The following C4orf54 variants were observed in gnomAD, a reference collection of about 807,000 sequenced individuals.
C4orf54 encodes chromosome 4 open reading frame 54, also known as uncharacterized protein C4orf54.
A neutral mutation model predicts 80.1 loss-of-function variants in C4orf54; 67 were observed. The observed-to-expected ratio is 0.84, with a 90% CI of 0.69 to 1.03. The LOEUF (loss-of-function observed/expected upper bound fraction) is 1.03, where lower values mean the gene tolerates loss of function less well. Among genes scored for constraint, C4orf54 ranks in the 50% least tolerant of loss-of-function variants. The pLI is 0.00. For synonymous variants in C4orf54, 1,000 were observed against 917.0 expected, an observed-to-expected ratio of 1.09 and a Z score of -1.64; for missense variants, 2,434 against 2,253.5, an observed-to-expected ratio of 1.08 and a Z score of -1.62.
At chr4:99,647,685 CTT>C (rs1726723674) in intron 2 of C4orf54, among the ~76,000 whole-genome samples, 1 of 152,170 alleles carries the variant, frequency 6.6e-6, no homozygotes. Flanking sequence ...CTAATATTGT[CTT>C]ACAGTCCAAT....
Position 99,651,841 on chromosome 4 carries a change from GA to G in C4orf54, c.2807del (p.Phe936SerfsTer26). The G allele has an allele frequency of 6.5e-7, 1 of 1,536,112 alleles. No individual in the cohort carries two copies. Among genetic ancestry groups the G allele is most frequent in the South Asian group, 1.2e-5 (1 of 84,060 alleles). The stretch of plus-strand genomic sequence containing the variant: ...GGAACGCACTGTTCTGACTACGGAG[GA>G]AGATGCCCTTGACGGTCTCTGAGGC... ...KSASETVKGI[F>X]LRSQNSAFRS... On this transcript the variant is annotated frameshift_variant, in exon 2 of 3. Transcript: ENST00000511828. LOFTEE classifies it high-confidence loss of function.
rs1578272943 is a variant in C4orf54 at position 99,650,476 on chromosome 4, G to A, written c.4173C>T (p.Leu1391=). The change falls in exon 2 of 3, where the codon CTC becomes CTT. Residue 1391 remains leucine (L), a synonymous_variant. Coordinates refer to ENST00000511828, the MANE Select transcript of C4orf54 (RefSeq NM_001354435.2). The part of the protein sequence containing the change: ...RTQPLQPLPP[L]PSNRNVFTVS... Reference sequence around the variant, plus strand: ...CTGTGAACACGTTCCGGTTGCTGGGGAGTGGTGGGAGGGGCTGCAGGGGTT... The same window carrying A: ...CTGTGAACACGTTCCGGTTGCTGGGAAGTGGTGGGAGGGGCTGCAGGGGTT... The A allele has an allele frequency of 6.5e-7, 1 of 1,535,936 alleles. No individual in the cohort carries two copies. The highest frequency in any genetic ancestry group is 2.4e-5 in the East Asian group (1 of 40,896).
Position 99,653,134 on chromosome 4 carries a change from T to G in C4orf54, c.1515A>C (p.Ala505=). The G allele has an allele frequency of 1.3e-6, 2 of 1,536,178 alleles. No homozygotes were observed. The highest frequency in any genetic ancestry group is 1.7e-6 in the Non-Finnish European group (2 of 1,146,912). Residue 505 remains alanine (A), a synonymous_variant, in exon 2 of 3, where the codon GCA becomes GCC. Transcript: ENST00000511828. ...TCCCACAGCTGCTTGCGGCGGCGGC[T>G]GCTGCCCCTGAAGCTGCCTCCGGGG... The part of the protein sequence containing the change: ...PETPEAASGA[A]AAAASSCGSA...
rs1282073347 is a variant in C4orf54 at position 99,650,023 on chromosome 4, T to C, written c.4626A>G (p.Thr1542=). ...TCTGTGGCCCTGGGGGGGCAGCTAC[T>C]GTCTCCCGGGGGTTGTCAGGTTTGG... The part of the protein sequence containing the change: ...WRTKPDNPRE[T]VAAPPGPQSP... Residue 1542 remains threonine, a synonymous_variant, in exon 2 of 3, where the codon ACA becomes ACG. Transcript: ENST00000511828. 3.9e-6 allele frequency: 6 copies of C among 1,534,968 alleles called. No homozygotes were observed. The highest frequency in any genetic ancestry group is 2.4e-5 in the East Asian group (1 of 40,886).
At chr4:99,648,406 G>C (rs1335550382) in intron 2 of C4orf54, among the ~76,000 whole-genome samples, 3 of 152,174 alleles carry the variant, frequency 2.0e-5, no homozygotes, top group African/African-American at 7.2e-5. Flanking sequence ...TCTGAAGAAA[G>C]AATGCAGACA....
At position 99,636,813 on chromosome 4, in the gene C4orf54, C is replaced by A. The variant is rs1726511179; in HGVS notation, c.*4420G>T. The A allele has an allele frequency of 6.6e-6, 1 of 152,186 alleles. No individual in the cohort carries two copies. Among genetic ancestry groups the A allele is most frequent in the Non-Finnish European group, 1.5e-5 (1 of 68,026 alleles). 9.4% of individuals were successfully genotyped at this position (152,186 alleles called of 1,614,324 possible). A position where few individuals can be genotyped will look rare whatever the true frequency, so the allele number is the denominator to read the frequency against. ...CATTCTATAATTGAATCATATCAGA[C>A]CTCAGGTAGGAACTTTTCCACCAAG... On this transcript the variant is annotated 3_prime_UTR_variant, in exon 3 of 3. Coordinates refer to ENST00000511828, the MANE Select transcript of C4orf54 (RefSeq NM_001354435.2).
Position 99,652,485 on chromosome 4 carries a change from T to G in C4orf54, c.2164A>C (p.Ser722Arg). ...TGTTTGATTTCCCCCTCGACTTTGCTGACCACGAACTCCAAGGCCTTGGTC... is the reference window on the plus strand; with the variant it reads ...TGTTTGATTTCCCCCTCGACTTTGCGGACCACGAACTCCAAGGCCTTGGTC... ...SQTKALEFVV[S>R]KVEGEIKHVE... Residue 722 changes from serine to arginine, a missense_variant, in exon 2 of 3, where the codon AGC becomes CGC. Physicochemically the swap from Ser to Arg is moderately radical, Grantham distance 110. Coordinates refer to ENST00000511828, the MANE Select transcript of C4orf54 (RefSeq NM_001354435.2). 2 of 1,535,822 alleles carry G rather than the reference T, an allele frequency of 1.3e-6. No homozygotes were observed. The highest frequency in any genetic ancestry group is 1.7e-6 in the Non-Finnish European group (2 of 1,146,708).
In C4orf54 at chr4:99,637,502, A is replaced by G. The variant is rs1726527605; in HGVS notation, c.*3731T>C. On this transcript the variant is annotated 3_prime_UTR_variant, in exon 3 of 3. Transcript: ENST00000511828. ...ATTAGCAAGTGCTACATGCTTTATTAATGATTTTATGCACCTGTGAGGTCT... is the reference window on the plus strand; with the variant it reads ...ATTAGCAAGTGCTACATGCTTTATTGATGATTTTATGCACCTGTGAGGTCT... The G allele has an allele frequency of 6.6e-6, 1 of 152,212 alleles. No homozygotes were observed. Among genetic ancestry groups the G allele is most frequent in the African/African-American group, 2.4e-5 (1 of 41,458 alleles). 9.4% of individuals were successfully genotyped at this position (152,212 alleles called of 1,614,324 possible). A position where few individuals can be genotyped will look rare whatever the true frequency, so the allele number is the denominator to read the frequency against.
rs750267457 is a variant in C4orf54, at chr4:99,649,812, G to A, written c.4837C>T (p.Leu1613Phe). ...AQPQQTQRKM[L>F]LDVTTGQYYL... Reference sequence around the variant, plus strand: ...TACTGGCCTGTTGTCACATCCAGGAGCATCTTACGCTGGGTCTGTTGAGGC... The same window carrying A: ...TACTGGCCTGTTGTCACATCCAGGAACATCTTACGCTGGGTCTGTTGAGGC... Residue 1613 changes from leucine to phenylalanine, a missense_variant, in exon 2 of 3, where the codon CTC becomes TTC. Physicochemically the swap from Leu to Phe is conservative, Grantham distance 22. Coordinates refer to ENST00000511828, the MANE Select transcript of C4orf54 (RefSeq NM_001354435.2). 9.1e-6 allele frequency: 14 copies of A among 1,536,066 alleles called. No individual in the cohort carries two copies. The highest frequency in any genetic ancestry group is 1.2e-5 in the Non-Finnish European group (14 of 1,146,844).
Position 99,651,460 on chromosome 4 carries a change from C to G in C4orf54, c.3189G>C (p.Lys1063Asn). ...LAGGSASNLF[K>N]TIEDNSRAQQ... ...GTGCCCTGCTGTTGTCCTCGATGGT[C>G]TTGAACAGGTTAGAGGCGCTGCCAC... Residue 1063 changes from lysine (K) to asparagine (N), a missense_variant, in exon 2 of 3, where the codon AAG (lysine) becomes AAC (asparagine). Lys to Asn is a moderately conservative substitution (Grantham distance 94, BLOSUM62 0). Coordinates refer to ENST00000511828, the MANE Select transcript of C4orf54 (RefSeq NM_001354435.2). The G allele has an allele frequency of 6.5e-7, 1 of 1,536,262 alleles. No homozygotes were observed. Among genetic ancestry groups the G allele is most frequent in the Non-Finnish European group, 8.7e-7 (1 of 1,146,918 alleles).
In C4orf54 at chr4:99,653,206, TG is replaced by T; in HGVS notation, c.1442del (p.Pro481HisfsTer10). The T allele has an allele frequency of 7.8e-6, 12 of 1,534,734 alleles. No individual in the cohort carries two copies. Among genetic ancestry groups the T allele is most frequent in the Non-Finnish European group, 1.0e-5 (12 of 1,146,188 alleles). On this transcript the variant is annotated frameshift_variant, in exon 2 of 3. Transcript: ENST00000511828. LOFTEE classifies it high-confidence loss of function. ...GGGGGGCAGTGCCAGGCCCAGTGGG[TG>T]GGGGAGTGGGGCCACTGTCAGAGGG... is the stretch of plus-strand genomic sequence containing the variant. The part of the protein sequence containing the change: ...SGPSDSGPTP[P>X]PTGPGTAPLT...
At position 99,653,928 on chromosome 4, in the gene C4orf54, G is replaced by C; in HGVS notation, c.721C>G (p.Pro241Ala). The change falls in exon 2 of 3, where the codon CCA becomes GCA. Residue 241 changes from proline (P) to alanine (A), a missense_variant. Pro to Ala is a conservative substitution (Grantham distance 27). Coordinates refer to ENST00000511828, the MANE Select transcript of C4orf54 (RefSeq NM_001354435.2). ...GAGGCAGGATTGTTCTGGGGGCTTGGAGTCTTGCTGCTGGGTTCATCTTGG... is the reference window on the plus strand; with the variant it reads ...GAGGCAGGATTGTTCTGGGGGCTTGCAGTCTTGCTGCTGGGTTCATCTTGG... ...KAQDEPSSKT[P>A]SPQNNPASSQ... The C allele has an allele frequency of 6.5e-7, 1 of 1,536,276 alleles. No homozygotes were observed. Among genetic ancestry groups the C allele is most frequent in the Non-Finnish European group, 8.7e-7 (1 of 1,146,898 alleles).
chr4:99,651,720 C>T lies in C4orf54; in HGVS notation c.2929G>A (p.Gly977Arg), dbSNP rs1726832442. 6.5e-7 allele frequency: 1 copy of T among 1,535,924 alleles called. No homozygotes were observed. Among genetic ancestry groups the T allele is most frequent in the African/African-American group, 1.4e-5 (1 of 73,020 alleles). Residue 977 changes from glycine to arginine, a missense_variant, in exon 2 of 3, where the codon GGG (glycine) becomes AGG (arginine). Coordinates refer to ENST00000511828, the MANE Select transcript of C4orf54 (RefSeq NM_001354435.2). Reference protein sequence around the residue: ...PKGGDWRADLGEISASKNTIM... With the variant: ...PKGGDWRADLREISASKNTIM... ...GTGTTCTTGCTGGCAGAAATCTCCC[C>T]GAGATCAGCCCGCCAGTCGCCTCCT...
In C4orf54 at chr4:99,643,782, ACACACACACAC is replaced by A. The variant is rs1383683562; in HGVS notation, c.*37-2597_*37-2587del. On this transcript the variant is annotated intron_variant, in intron 2 of 2. Coordinates refer to ENST00000511828, the MANE Select transcript of C4orf54 (RefSeq NM_001354435.2). The stretch of plus-strand genomic sequence containing the variant: ...CACACACACACACACACACACACAC[ACACACACACAC>A]CCCCTCCGCGGCAGTAAAACGGCCA... Among the ~76,000 whole-genome samples, 143 of 137,026 alleles carry A rather than the reference ACACACACACAC, an allele frequency of 1.0e-3. 1 individual carries two copies. Among genetic ancestry groups the A allele is most frequent in the African/African-American group, 1.8e-3 (65 of 35,928 alleles). 89.9% of individuals were successfully genotyped at this position (137,026 alleles called of 152,430 possible). A position where few individuals can be genotyped will look rare whatever the true frequency, so the allele number is the denominator to read the frequency against.
rs1259737730 is a variant in C4orf54, at chr4:99,654,494, G to C, written c.155C>G (p.Ala52Gly). The C allele has an allele frequency of 4.3e-6, 3 of 704,198 alleles. No individual in the cohort carries two copies. The highest frequency in any genetic ancestry group is 7.8e-6 in the Non-Finnish European group (3 of 386,158). 43.6% of individuals were successfully genotyped at this position (704,198 alleles called of 1,614,324 possible). A position where few individuals can be genotyped will look rare whatever the true frequency, so the allele number is the denominator to read the frequency against. The change falls in exon 2 of 3, where the codon GCC becomes GGC. Residue 52 changes from alanine (A) to glycine (G), a missense_variant. By Grantham distance (60) the Ala-to-Gly change is moderately conservative. Coordinates refer to ENST00000511828, the MANE Select transcript of C4orf54 (RefSeq NM_001354435.2). ...CTGTGGCTGGGGGGCTGCTGCTCCG[G>C]CCGAGACTGTGGCCAGTGTTCTGTA... Reference protein sequence around the residue: ...LSYRTLATVSAGAAAPQPQTT... With the variant: ...LSYRTLATVSGGAAAPQPQTT...
rs1727002969 is a variant in C4orf54, at chr4:99,657,742, C to T, written c.-279G>A. Among the ~76,000 whole-genome samples the T allele has an allele frequency of 6.6e-6, 1 of 152,198 alleles. No homozygotes were observed. Among genetic ancestry groups the T allele is most frequent in the South Asian group, 2.1e-4 (1 of 4,830 alleles). Reference sequence around the variant, plus strand: ...AAGTAAAACAATTAAGAACCCCAAACTGCTTTCCCTCTGGCATTTTCAGAG... The same window carrying T: ...AAGTAAAACAATTAAGAACCCCAAATTGCTTTCCCTCTGGCATTTTCAGAG... On this transcript the variant is annotated 5_prime_UTR_variant, in exon 1 of 3. Transcript: ENST00000511828.
rs1336086762 is a variant in C4orf54, at chr4:99,652,996, G to T, written c.1653C>A (p.Asp551Glu). 6.5e-7 allele frequency: 1 copy of T among 1,536,210 alleles called. No individual in the cohort carries two copies. The highest frequency in any genetic ancestry group is 8.7e-7 in the Non-Finnish European group (1 of 1,146,930). ...NIIYAAKHEG[D>E]MSLRVSTAAE... The stretch of plus-strand genomic sequence containing the variant: ...CAGCTGTAGAGACGCGGAGGCTCAT[G>T]TCGCCTTCATGCTTGGCAGCATAAA... Residue 551 changes from aspartate (D) to glutamate (E), a missense_variant, in exon 2 of 3, where the codon GAC (aspartate) becomes GAA (glutamate). Coordinates refer to ENST00000511828, the MANE Select transcript of C4orf54 (RefSeq NM_001354435.2).
At position 99,652,781 on chromosome 4, in the gene C4orf54, A is replaced by G. The variant is rs1282325187; in HGVS notation, c.1868T>C (p.Val623Ala). The change falls in exon 2 of 3, where the codon GTG (valine) becomes GCG (alanine). Residue 623 changes from valine to alanine, a missense_variant. Coordinates refer to ENST00000511828, the MANE Select transcript of C4orf54 (RefSeq NM_001354435.2). Reference sequence around the variant, plus strand: ...GAAGGCCCGGGAGGTCAGGTTACGCACCTCTTTGTCCGCATCGTCCAGTTC... The same window carrying G: ...GAAGGCCCGGGAGGTCAGGTTACGCGCCTCTTTGTCCGCATCGTCCAGTTC... ...VSELDDADKEVRNLTSRAFRS... is the reference protein window; with the variant it reads ...VSELDDADKEARNLTSRAFRS... 5 of 1,535,862 alleles carry G rather than the reference A, an allele frequency of 3.3e-6. No individual in the cohort carries two copies. Among genetic ancestry groups the G allele is most frequent in the Middle Eastern group, 1.7e-4 (1 of 5,990 alleles).
Position 99,651,823 on chromosome 4 carries a change from A to G in C4orf54, c.2826T>C (p.Ser942=), listed in dbSNP as rs1000209130. Residue 942 remains serine, a synonymous_variant, in exon 2 of 3, where the codon AGT becomes AGC. Coordinates refer to ENST00000511828, the MANE Select transcript of C4orf54 (RefSeq NM_001354435.2). ...CTTTCTCCTTCCATGACCGGAACGC[A>G]CTGTTCTGACTACGGAGGAAGATGC... The part of the protein sequence containing the change: ...VKGIFLRSQN[S]AFRSWKEKEA... 6.5e-7 allele frequency: 1 copy of G among 1,535,806 alleles called. No individual in the cohort carries two copies. Among genetic ancestry groups the G allele is most frequent in the African/African-American group, 1.4e-5 (1 of 72,942 alleles).
Sources: allele counts gnomAD v4.1 joint callset (sites outside exome capture counted in the v4.1 genomes callset), GRCh38; gene constraint gnomAD v4.1.1; transcripts MANE v1.5; gene names NCBI Gene and HGNC (gene_info 2026-07-23, HGNC 2026-07-21).